STARD13: variants seen among roughly 807,000 people sequenced by gnomAD.
STARD13 encodes StAR related lipid transfer domain containing 13.
A neutral mutation model predicts 106.4 loss-of-function variants in STARD13; 62 were observed. That is an observed-to-expected ratio of 0.58 (90% CI 0.48 to 0.72). STARD13 has a LOEUF of 0.72. STARD13 is among the 30% of genes least tolerant of loss of function. The pLI, the probability that STARD13 is intolerant of heterozygous loss-of-function variation, is 0.00. For missense variants in STARD13, 1,387 were observed against 1,424.0 expected, an observed-to-expected ratio of 0.97 and a Z score of 0.42; for synonymous variants, 565 against 553.0, an observed-to-expected ratio of 1.02 and a Z score of -0.31.
intron 1 of STARD13, among the ~76,000 whole-genome samples, chr13:33,169,885 A>G (rs900138606): frequency 1.3e-5 from 2 of 152,194 alleles, no homozygotes; most frequent in Admixed American, 6.5e-5. Flanking sequence ...GCAGCCAGGA[A>G]TCCTTCTAGA....
At chr13:33,167,443 C>G in intron 2 of STARD13, 108 bp downstream of exon 2, 1 of 1,140,690 alleles carries the variant, frequency 8.8e-7, no homozygotes, top group Non-Finnish European at 1.3e-6. Context: ...GAAAGCGAAG[C>G]AAAATGGGCG....
chr13:33,138,097 C>A (rs1367453780), intron 4 of STARD13, among the ~76,000 whole-genome samples: 1 of 152,216 alleles, frequency 6.6e-6, no homozygotes, highest in African/African-American at 2.4e-5. Context: ...ATAAGTTCAA[C>A]CAGAACCTTC....
intron 1 of STARD13, among the ~76,000 whole-genome samples, chr13:33,198,117 G>A (rs567045034): frequency 2.0e-5 from 3 of 152,314 alleles, no homozygotes; most frequent in East Asian, 1.9e-4. Flanking sequence ...GCAGTGAGCC[G>A]AGATCACGCC....
the STARD13 span, among the ~76,000 whole-genome samples, chr13:33,443,838 G>A: frequency 1.1e-4 from 16 of 143,150 alleles, no homozygotes; most frequent in Non-Finnish European, 2.0e-4. Flanking sequence ...GAGCTGAGCC[G>A]AGATTGTGCC....
chr13:33,374,362 G>A, the STARD13 span, among the ~76,000 whole-genome samples: 1,032 of 152,064 alleles, frequency 6.8e-3, 12 homozygotes, highest in African/African-American at 0.023. Flanking sequence ...TAGTGGTGAT[G>A]GTTACATAAC....
chr13:33,504,734 A>G, the STARD13 span, among the ~76,000 whole-genome samples: 2 of 152,156 alleles, frequency 1.3e-5, no homozygotes, highest in Non-Finnish European at 2.9e-5. Flanking sequence ...GTGCACATGT[A>G]CCCTAGAACT....
At chr13:33,357,836 G>T in the STARD13 span, among the ~76,000 whole-genome samples, 1 of 152,306 alleles carries the variant, frequency 6.6e-6, no homozygotes, top group East Asian at 1.9e-4. Flanking sequence ...CAGAGCCCTC[G>T]CTTGCTCTCG....
At chr13:33,403,790 C>A in the STARD13 span, among the ~76,000 whole-genome samples, 1 of 152,116 alleles carries the variant, frequency 6.6e-6, no homozygotes, top group Non-Finnish European at 1.5e-5. Flanking sequence ...CTGCATTTTT[C>A]CCTCCCAAAA....
intron 3 of STARD13, among the ~76,000 whole-genome samples, chr13:33,142,748 T>G (rs1456525271): frequency 6.6e-6 from 1 of 152,212 alleles, no homozygotes; most frequent in Non-Finnish European, 1.5e-5. Flanking sequence ...CCTCTAAATA[T>G]GGATCAACAC....
chr13:33,534,687 G>T, the STARD13 span, among the ~76,000 whole-genome samples: 1 of 152,024 alleles, frequency 6.6e-6, no homozygotes, highest in African/African-American at 2.4e-5. Context: ...GTGGCCTTTG[G>T]ATATATTTAA....
At chr13:33,403,910 T>A in the STARD13 span, among the ~76,000 whole-genome samples, 4 of 152,222 alleles carry the variant, frequency 2.6e-5, no homozygotes, top group African/African-American at 9.6e-5. Context: ...CTCTCCTATA[T>A]AAATTCTGGT....
the STARD13 span, among the ~76,000 whole-genome samples, chr13:33,412,059 C>T: frequency 6.6e-6 from 1 of 152,208 alleles, no homozygotes; most frequent in South Asian, 2.1e-4. Flanking sequence ...GACTTTCATT[C>T]TCCTCTTGTG....
chr13:33,643,151 T>C, the STARD13 span, among the ~76,000 whole-genome samples: 19 of 130,856 alleles, frequency 1.5e-4, no homozygotes, highest in Non-Finnish European at 2.9e-4. Context: ...GTACTTTACA[T>C]AGAACATGCA....
At chr13:33,387,495 A>C in the STARD13 span, among the ~76,000 whole-genome samples, 1 of 152,166 alleles carries the variant, frequency 6.6e-6, no homozygotes, top group African/African-American at 2.4e-5. Flanking sequence ...GTCCACAGTC[A>C]AGGATGCACT....
chr13:33,486,597 A>G, the STARD13 span, among the ~76,000 whole-genome samples: 1 of 152,176 alleles, frequency 6.6e-6, no homozygotes, highest in Non-Finnish European at 1.5e-5. Context: ...AGTGGGCACT[A>G]CTGTCCTCTT....
chr13:33,458,015 C>G, the STARD13 span, among the ~76,000 whole-genome samples: 212 of 152,278 alleles, frequency 1.4e-3, 2 homozygotes, highest in African/African-American at 4.7e-3. Context: ...TGGTGAGCAT[C>G]AAACTCATTT....
chr13:33,275,532 T>C (rs1330821620), intron 1 of STARD13, among the ~76,000 whole-genome samples: 1 of 152,198 alleles, frequency 6.6e-6, no homozygotes, highest in African/African-American at 2.4e-5. Flanking sequence ...ATTAAGTGAC[T>C]CGTCCAAGGT....
rs1159642711 is a variant in STARD13, at chr13:33,110,063, A to T, written c.2857T>A (p.Trp953Arg). The stretch of plus-strand genomic sequence containing the variant: ...GCTTCCACCTCCACAGAAGCCTTCC[A>T]CAGCTTCAGCGGGTTCCCGTCGCCC... ...KVGDGNPLKL[W>R]KASVEVEAPP... The change falls in exon 12 of 14, where the codon TGG (tryptophan) becomes AGG (arginine). Residue 953 changes from tryptophan (W) to arginine (R), a missense_variant. Transcript: ENST00000336934. 1 of 1,614,210 alleles carries T rather than the reference A, an allele frequency of 6.2e-7. No individual in the cohort carries two copies. The highest frequency in any genetic ancestry group is 1.1e-5 in the South Asian group (1 of 91,086).
chr13:33,374,739 A>C, the STARD13 span, among the ~76,000 whole-genome samples: 1 of 152,134 alleles, frequency 6.6e-6, no homozygotes, highest in Non-Finnish European at 1.5e-5. Context: ...ACCCATACAA[A>C]CAAAGCATGG....
Sources: allele counts gnomAD v4.1 joint callset (sites outside exome capture counted in the v4.1 genomes callset), GRCh38; gene constraint gnomAD v4.1.1; transcripts MANE v1.5; gene names NCBI Gene and HGNC (gene_info 2026-07-23, HGNC 2026-07-21).